ASTN1: variants seen among roughly 807,000 people sequenced by gnomAD.
ASTN1 encodes the protein astrotactin 1.
Under a neutral mutation model 140.7 loss-of-function variants are expected in ASTN1, and 41 were observed. The ratio of observed to expected loss-of-function variants is 0.29; its 90% CI spans 0.23 to 0.38. The LOEUF (loss-of-function observed/expected upper bound fraction) is 0.38. ASTN1 is among the 10% of genes least tolerant of loss of function. The pLI, the probability that ASTN1 is intolerant of heterozygous loss-of-function variation, is 1.00. For missense variants in ASTN1, 1,479 were observed against 1,678.8 expected (o/e 0.88, Z 2.08); for synonymous variants, 640 against 652.2 (o/e 0.98, Z 0.29).
intron 10 of ASTN1, 119 bp downstream of exon 10, chr1:176,958,226 C>T: frequency 1.3e-6 from 2 of 1,494,830 alleles, no homozygotes; most frequent in Non-Finnish European, 1.8e-6. Flanking sequence ...TTGCAGGCTG[C>T]CTGCCAATTT....
At chr1:176,860,342 C>G (rs1344947151), downstream of ASTN1, among the ~76,000 whole-genome samples, 1 of 152,218 alleles carries the variant, frequency 6.6e-6, no homozygotes, top group Non-Finnish European at 1.5e-5. Flanking sequence ...ATTGCCCCTG[C>G]TTGGGCAGGG....
chr1:176,946,593 T>C (rs931770475), intron 12 of ASTN1, among the ~76,000 whole-genome samples: 2 of 152,250 alleles, frequency 1.3e-5, no homozygotes, highest in African/African-American at 4.8e-5. Context: ...AATCTGGTCC[T>C]GTGATAAGTC....
chr1:177,020,763 A>T (rs1675782886), intron 7 of ASTN1, among the ~76,000 whole-genome samples: 1 of 152,024 alleles, frequency 6.6e-6, no homozygotes, highest in Admixed American at 6.6e-5. Context: ...GTAAACAGAG[A>T]CTCACTTGGG....
intron 8 of ASTN1, among the ~76,000 whole-genome samples, chr1:176,979,564 GTTGT>G (rs1673515749): frequency 6.6e-6 from 1 of 152,158 alleles, no homozygotes; most frequent in African/African-American, 2.4e-5. Flanking sequence ...TATTTATTTA[GTTGT>G]TTGTTTCAGT....
At chr1:176,906,421 G>A (rs567064259) in intron 16 of ASTN1, among the ~76,000 whole-genome samples, 1 of 152,316 alleles carries the variant, frequency 6.6e-6, no homozygotes, top group African/African-American at 2.4e-5. Flanking sequence ...CATAAGGAAA[G>A]TACTCTGATA....
At chr1:176,917,518 G>A (rs561001664) in intron 16 of ASTN1, among the ~76,000 whole-genome samples, 3 of 152,254 alleles carry the variant, frequency 2.0e-5, no homozygotes, top group South Asian at 2.1e-4. Flanking sequence ...AGACATGCCC[G>A]GGCAGTGGGA....
chr1:177,037,693 C>T (rs1381929428), intron 2 of ASTN1, among the ~76,000 whole-genome samples: 2 of 152,136 alleles, frequency 1.3e-5, no homozygotes, highest in African/African-American at 4.8e-5. Flanking sequence ...CATGGAATTG[C>T]TTTGCTCATT....
At chr1:176,881,791 T>TGAA (rs1218755045) in intron 20 of ASTN1, among the ~76,000 whole-genome samples, 3 of 152,236 alleles carry the variant, frequency 2.0e-5, no homozygotes, top group African/African-American at 7.2e-5. Flanking sequence ...TTTCCTATAT[T>TGAA]GAAGACATTC....
chr1:177,042,227 T>C (rs925003815), intron 2 of ASTN1, among the ~76,000 whole-genome samples: 1 of 152,244 alleles, frequency 6.6e-6, no homozygotes, highest in African/African-American at 2.4e-5. Context: ...GATCATATTC[T>C]TGTCCCACAT....
In ASTN1 at chr1:177,024,476, C is replaced by T. The variant is rs74405608; in HGVS notation, c.1270+107G>A. On this transcript the variant is annotated intron_variant, in intron 6 of 22. Coordinates refer to ENST00000361833, the MANE Select transcript of ASTN1 (RefSeq NM_004319.3). ...TACTTATTTCAGTTTGGTTTTCCCC[C>T]GGTAGAGTAATAGGTAACAGTGACT... 1.4e-3 allele frequency: 1,950 copies of T among 1,399,424 alleles called. 17 individuals are homozygous for T. In the African/African-American group the frequency reaches 0.024, roughly 17 times the overall value. The allele number at this position is 1,399,424 out of a possible 1,614,324, so 86.7% of individuals were successfully genotyped here.
At chr1:177,087,865 A>G (rs1284902875) in intron 1 of ASTN1, among the ~76,000 whole-genome samples, 1 of 152,066 alleles carries the variant, frequency 6.6e-6, no homozygotes, top group Non-Finnish European at 1.5e-5. Flanking sequence ...TTTTCACCTC[A>G]CTGAGTGAAG....
At chr1:176,997,649 C>T (rs909858308) in intron 8 of ASTN1, among the ~76,000 whole-genome samples, 1 of 151,932 alleles carries the variant, frequency 6.6e-6, no homozygotes, top group Non-Finnish European at 1.5e-5. Context: ...TTATTGAGCA[C>T]CTACTATATG....
At chr1:176,979,652 T>C (rs1006597073) in intron 8 of ASTN1, among the ~76,000 whole-genome samples, 2 of 152,114 alleles carry the variant, frequency 1.3e-5, no homozygotes, top group African/African-American at 2.4e-5. Flanking sequence ...ATTAGCAGCA[T>C]GCGGCAGAGT....
In ASTN1 at chr1:177,023,447, C is replaced by T. The variant is rs1287579311; in HGVS notation, c.1395G>A (p.Arg465=). ...GGTGTTCACAGGGGTCCAGGAGCCG[C>T]CGGGCACAGAGGTCCATGGCCCAGG... ...SGPWAMDLCA[R]RLLDPCEHQC... Residue 465 remains arginine (R), a synonymous_variant, in exon 7 of 23, where the codon CGG becomes CGA. Coordinates refer to ENST00000361833, the MANE Select transcript of ASTN1 (RefSeq NM_004319.3). The T allele has an allele frequency of 2.5e-6, 4 of 1,605,960 alleles. No individual in the cohort carries two copies. Among genetic ancestry groups the T allele is most frequent in the Non-Finnish European group, 3.4e-6 (4 of 1,176,594 alleles).
intron 1 of ASTN1, among the ~76,000 whole-genome samples, chr1:177,141,422 T>C (rs1199546726): frequency 1.3e-5 from 2 of 152,116 alleles, no homozygotes; most frequent in African/African-American, 4.8e-5. Flanking sequence ...TCTACCCTTG[T>C]ACACATTGTT....
intron 2 of ASTN1, among the ~76,000 whole-genome samples, chr1:177,052,546 C>T (rs1677591909): frequency 6.6e-6 from 1 of 152,206 alleles, no homozygotes; most frequent in Non-Finnish European, 1.5e-5. Flanking sequence ...TCTCTGAGAG[C>T]AAAGCCCTTG....
chr1:176,977,253 T>C (rs1673406533), intron 8 of ASTN1, among the ~76,000 whole-genome samples: 1 of 152,252 alleles, frequency 6.6e-6, no homozygotes, highest in Admixed American at 6.5e-5. Context: ...AAATTCAACA[T>C]ATATTTAGCA....
At chr1:176,897,544 T>A (rs1669571187) in intron 16 of ASTN1, among the ~76,000 whole-genome samples, 1 of 151,588 alleles carries the variant, frequency 6.6e-6, no homozygotes, top group South Asian at 2.1e-4. Context: ...GTGATATAAG[T>A]CTAAAATGAC....
At position 176,946,137 on chromosome 1, in the gene ASTN1, C is replaced by T. The variant is rs201077490; in HGVS notation, c.2055-17G>A. The T allele has an allele frequency of 1.9e-6, 3 of 1,546,172 alleles. No individual in the cohort carries two copies. Among genetic ancestry groups the T allele is most frequent in the East Asian group, 2.3e-5 (1 of 43,942 alleles). ...TCGATGCACCTAGCACAGAGGAGAG[C>T]TCAATATAAGAAGTTATTCCATCAA... On this transcript the variant is annotated splice_polypyrimidine_tract_variant and intron_variant, in intron 12 of 22. Transcript: ENST00000361833.
Sources: gnomAD v4.1 joint callset for allele counts (sites outside exome capture counted in the v4.1 genomes callset) on GRCh38, gnomAD v4.1.1 for gene constraint, MANE v1.5 for transcripts, NCBI Gene and HGNC (gene_info 2026-07-23, HGNC 2026-07-21) for gene names.